Variants in OSBPL2 observed in about 807,000 individuals in gnomAD.
OSBPL2 encodes oxysterol-binding protein-related protein 2.
A neutral mutation model predicts 58.4 loss-of-function variants in OSBPL2; 18 were observed. The ratio of observed to expected loss-of-function variants is 0.31; its 90% confidence interval spans 0.21 to 0.46. The LOEUF (loss-of-function observed/expected upper bound fraction) is 0.46, where lower values mean the gene tolerates loss of function less well. Ranked by LOEUF, OSBPL2 falls within the 20% of genes least tolerant of loss-of-function variation. The pLI, the probability that OSBPL2 is intolerant of heterozygous loss-of-function variation, is 1.00. For missense variants in OSBPL2, 461 were observed against 616.5 expected (o/e 0.75, Z 2.67); for synonymous variants, 221 against 234.1 (o/e 0.94, Z 0.51).
intron 6 of OSBPL2, among the ~76,000 whole-genome samples, chr20:62,275,438 G>T (rs1183783615): frequency 6.7e-6 from 1 of 149,214 alleles, no homozygotes; most frequent in Non-Finnish European, 1.5e-5. Flanking sequence ...TCACTCTGTC[G>T]CCCAGGCTGA....
Position 62,263,777 on chromosome 20 carries a change from C to T in OSBPL2, c.258+86C>T, listed in dbSNP as rs1022488587. 24 of 1,248,440 alleles carry T rather than the reference C, an allele frequency of 1.9e-5. No homozygotes were observed. The East Asian group carries it at 3.5e-4, about 18-fold the overall frequency. 77.3% of individuals were successfully genotyped at this position (1,248,440 alleles called of 1,614,324 possible). On this transcript the variant is annotated intron_variant, in intron 4 of 13. Coordinates refer to ENST00000313733, the MANE Select transcript of OSBPL2 (RefSeq NM_144498.4). ...GCAGTGCTGGTGGTTTAAGAAAATG[C>T]GCTCTTGGCCGGGCGCGGTGGCTCA...
intron 1 of OSBPL2, among the ~76,000 whole-genome samples, chr20:62,240,700 T>C (rs1261858682): frequency 6.6e-6 from 1 of 152,264 alleles, no homozygotes; most frequent in Non-Finnish European, 1.5e-5. Context: ...TGCATTACTC[T>C]GTGTCAGAAT....
Position 62,288,477 on chromosome 20 carries a change from G to A in OSBPL2, c.1126-730G>A, listed in dbSNP as rs564285730. Among the ~76,000 whole-genome samples the A allele has an allele frequency of 3.5e-3, 522 of 148,778 alleles. No individual in the cohort carries two copies. Among genetic ancestry groups the A allele is most frequent in the African/African-American group, 0.013 (507 of 39,622 alleles). ...GCTGTGGGTACAGAGGCCGGAGGCT[G>A]TGGGTGCAGAGGCTGGGAGGCTGTG... On this transcript the variant is annotated intron_variant, in intron 11 of 13. Transcript: ENST00000313733. The surrounding 1 kb of genome is among the most constrained non-coding windows in gnomAD (Gnocchi z 4.8).
rs376209465 is a variant in OSBPL2, at chr20:62,281,823, G to A, written c.816G>A (p.Pro272=). 1.7e-5 allele frequency: 28 copies of A among 1,612,288 alleles called. No homozygotes were observed. The highest frequency in any genetic ancestry group is 1.7e-4 in the Middle Eastern group (1 of 6,060). The stretch of plus-strand genomic sequence containing the variant: ...ATAAGTGTGTGCTTCACTTTAAACC[G>A]TGTGGATTATTTGGAAAAGAACTTC... ...TGHKCVLHFK[P]CGLFGKELHK... Residue 272 remains proline (P), a synonymous_variant, in exon 9 of 14, where the codon CCG becomes CCA. Transcript: ENST00000313733.
In OSBPL2 at chr20:62,289,303, A is replaced by G; in HGVS notation, c.1222A>G (p.Ile408Val). 1 of 1,613,220 alleles carries G rather than the reference A, an allele frequency of 6.2e-7. No homozygotes were observed. ...PPTDCRLRPDIRGMENGNMDL... is the reference protein window; with the variant it reads ...PPTDCRLRPDVRGMENGNMDL... Reference sequence around the variant, plus strand: ...CACGGACTGCCGCCTGCGCCCTGACATCCGCGGCATGGAGAATGGCAACAT... The same window carrying G: ...CACGGACTGCCGCCTGCGCCCTGACGTCCGCGGCATGGAGAATGGCAACAT... Residue 408 changes from isoleucine to valine, a missense_variant, in exon 12 of 14, where the codon ATC (isoleucine) becomes GTC (valine). Ile to Val is a conservative substitution (Grantham distance 29, BLOSUM62 3). Transcript: ENST00000313733.
chr20:62,261,054 A>G (rs1981267513), intron 3 of OSBPL2, among the ~76,000 whole-genome samples: 1 of 152,286 alleles, frequency 6.6e-6, no homozygotes, highest in Admixed American at 6.5e-5. Context: ...GCAGTGGCTC[A>G]TGCCTATAAT....
At chr20:62,252,538 G>T (rs1459906423) in intron 1 of OSBPL2, among the ~76,000 whole-genome samples, 1 of 152,206 alleles carries the variant, frequency 6.6e-6, no homozygotes. Context: ...GCAGAGGCCA[G>T]CTCTGCTGGG....
At chr20:62,275,433 C>G (rs955453614) in intron 6 of OSBPL2, among the ~76,000 whole-genome samples, 1 of 151,414 alleles carries the variant, frequency 6.6e-6, no homozygotes, top group African/African-American at 2.4e-5. Context: ...AGGTCTCACT[C>G]TGTCGCCCAG....
intron 1 of OSBPL2, among the ~76,000 whole-genome samples, chr20:62,245,100 C>CTTT (rs398040809): frequency 1.4e-5 from 2 of 143,630 alleles, no homozygotes; most frequent in African/African-American, 2.6e-5. Context: ...GAAATCTGTT[C>CTTT]TTTTTTTTTT....
chr20:62,281,933 T>C (rs932496176), intron 9 of OSBPL2, 54 bp downstream of exon 9: 3 of 1,237,044 alleles, frequency 2.4e-6, no homozygotes, highest in African/African-American at 2.9e-5. Context: ...GTGTCCACGT[T>C]AGAAGGGCTC....
At chr20:62,291,386 G>A (rs1983498782) in intron 12 of OSBPL2, 1 of 398,362 alleles carries the variant, frequency 2.5e-6, no homozygotes, top group Admixed American at 3.7e-5. Context: ...TCGCACACCA[G>A]GGCATTGGGT....
chr20:62,279,401 ATGTGGAGGGAAAG>A, intron 7 of OSBPL2, 62 bp downstream of exon 7: 1 of 1,524,938 alleles, frequency 6.6e-7, no homozygotes, highest in Non-Finnish European at 9.0e-7. Flanking sequence ...GGTGCTGGTG[ATGTGGAGGGAAAG>A]CTTCCTTCAG....
intron 1 of OSBPL2, among the ~76,000 whole-genome samples, chr20:62,253,970 A>C (rs1980751484): frequency 6.6e-6 from 1 of 151,420 alleles, no homozygotes; most frequent in Admixed American, 6.6e-5. Flanking sequence ...TTTTTTTTGA[A>C]TTTTTTTAGT....
rs150797122 is a variant in OSBPL2 at position 62,273,598 on chromosome 20, G to C, written c.491+192G>C. Among the ~76,000 whole-genome samples the C allele has an allele frequency of 8.5e-5, 13 of 152,256 alleles. No homozygotes were observed. In the South Asian group the frequency reaches 2.7e-3, roughly 32 times the overall value. On this transcript the variant is annotated intron_variant, in intron 6 of 13. Coordinates refer to ENST00000313733, the MANE Select transcript of OSBPL2 (RefSeq NM_144498.4). ...ACGGGGTGTTGTGCTAGCGTGCCAC[G>C]GCGTCTGAGTGAGTGTAAAGCGCTG...
intron 1 of OSBPL2, chr20:62,242,797 A>T (rs1979818798): frequency 6.6e-6 from 1 of 152,544 alleles, no homozygotes; most frequent in South Asian, 2.1e-4. Flanking sequence ...AGGCGCTGGG[A>T]CTGCAACCTT....
At chr20:62,244,956 G>A (rs1435958813) in intron 1 of OSBPL2, among the ~76,000 whole-genome samples, 8 of 152,224 alleles carry the variant, frequency 5.3e-5, no homozygotes, top group Non-Finnish European at 4.4e-5. Flanking sequence ...AACTTCCTGC[G>A]TGAATTCTGG....
intron 11 of OSBPL2, 125 bp from the exon 12 acceptor site, chr20:62,289,082 A>T: frequency 9.8e-7 from 1 of 1,018,678 alleles, no homozygotes; most frequent in Non-Finnish European, 1.5e-6. Flanking sequence ...CGTGAGCGGA[A>T]GTAGGTTCCC....
chr20:62,258,940 G>A (rs967125445), intron 2 of OSBPL2: 2 of 152,260 alleles, frequency 1.3e-5, no homozygotes, highest in Non-Finnish European at 2.9e-5. Context: ...AAATCACGAT[G>A]TCATCCACCC....
chr20:62,291,457 C>T (rs995592660), intron 12 of OSBPL2: 4 of 511,160 alleles, frequency 7.8e-6, no homozygotes, highest in East Asian at 3.7e-5. Flanking sequence ...GTAGTGCTGT[C>T]GTAGAACACG....
Sources: allele counts gnomAD v4.1 joint callset (sites outside exome capture counted in the v4.1 genomes callset), GRCh38; gene constraint gnomAD v4.1.1; non-coding constraint Gnocchi (gnomAD v3.1); transcripts MANE v1.5; gene names NCBI Gene and HGNC (gene_info 2026-07-23, HGNC 2026-07-21).